The following HECTD4 variants were observed in gnomAD, a reference collection of about 807,000 sequenced individuals.
HECTD4 encodes probable E3 ubiquitin-protein ligase HECTD4.
In HECTD4, 114 loss-of-function variants were observed where a neutral mutation model predicts 471.5. That is an observed-to-expected ratio of 0.24 (90% CI 0.21 to 0.28). The LOEUF (loss-of-function observed/expected upper bound fraction) is 0.28, where lower values mean the gene tolerates loss of function less well. Among genes scored for constraint, HECTD4 ranks in the 10% least tolerant of loss-of-function variants. HECTD4 has a pLI of 1.00. For missense variants in HECTD4, 3,866 were observed against 5,651.5 expected, an observed-to-expected ratio of 0.68 and a Z score of 10.13; for synonymous variants, 2,012 against 2,256.0, an observed-to-expected ratio of 0.89 and a Z score of 3.07.
intron 18 of HECTD4, 50 bp from the exon 19 acceptor site, chr12:112,259,315 TGAA>T: frequency 6.3e-7 from 1 of 1,590,026 alleles, no homozygotes; most frequent in Non-Finnish European, 8.6e-7. Flanking sequence ...CCCAAACATG[TGAA>T]GAAGCACTAA....
At chr12:112,325,988 T>C (rs1656515969) in intron 1 of HECTD4, among the ~76,000 whole-genome samples, 1 of 152,018 alleles carries the variant, frequency 6.6e-6, no homozygotes, top group Non-Finnish European at 1.5e-5. Flanking sequence ...AGGGTCTCGC[T>C]ATGTTGCCCA....
chr12:112,186,560 C>T (rs965622258), intron 60 of HECTD4, among the ~76,000 whole-genome samples: 2 of 151,688 alleles, frequency 1.3e-5, no homozygotes, highest in Middle Eastern at 3.2e-3. Flanking sequence ...TGGTCTTGAA[C>T]TCCTGACCTA....
At chr12:112,167,596 A>T in intron 71 of HECTD4, 58 bp from the exon 72 acceptor site, 1 of 1,364,580 alleles carries the variant, frequency 7.3e-7, no homozygotes, top group Non-Finnish European at 1.0e-6. Context: ...CCCGCCAGGG[A>T]ACATGTGTTT....
chr12:112,230,638 A>G, intron 40 of HECTD4, 49 bp downstream of exon 40: 1 of 1,547,358 alleles, frequency 6.5e-7, no homozygotes, highest in Non-Finnish European at 8.8e-7. Flanking sequence ...TTCTAATTCT[A>G]ATTAGCTTAC....
intron 1 of HECTD4, among the ~76,000 whole-genome samples, chr12:112,356,797 G>GTATC (rs2036347700): frequency 6.6e-6 from 1 of 152,076 alleles, no homozygotes; most frequent in South Asian, 2.1e-4. Flanking sequence ...AAACACTTAT[G>GTATC]GATAGGGCTA....
rs749128238 is a variant in HECTD4, at chr12:112,172,845, C to T, written c.11611G>A (p.Val3871Ile). The T allele has an allele frequency of 3.1e-6, 5 of 1,613,976 alleles. No individual in the cohort carries two copies. Among genetic ancestry groups the T allele is most frequent in the East Asian group, 4.5e-5 (2 of 44,890 alleles). ...CTTGAGGCCTTCTGTGCATGTCGGA[C>T]ATCGATGCATGCGCACCTTGGGGTG... ...LHFERCACID[V>I]RHAQKASRKW... Residue 3871 changes from valine (V) to isoleucine (I), a missense_variant, in exon 67 of 76, where the codon GTC becomes ATC. Physicochemically the swap from Val to Ile is conservative, Grantham distance 29 (BLOSUM62 3). Around this residue, in one of 16 missense-constraint regions of HECTD4, gnomAD observed 715 missense variants for 1,087.6 expected, o/e 0.66. Transcript: ENST00000682272.
In HECTD4 at chr12:112,382,139, G is replaced by A; in HGVS notation, c.-11C>T. 2.5e-6 allele frequency: 3 copies of A among 1,218,874 alleles called. No individual in the cohort carries two copies. Among genetic ancestry groups the A allele is most frequent in the Non-Finnish European group, 3.1e-6 (3 of 982,094 alleles). 75.5% of individuals were successfully genotyped at this position (1,218,874 alleles called of 1,614,324 possible). A position where few individuals can be genotyped will look rare whatever the true frequency, so the allele number is the denominator to read the frequency against. ...CGCCGACGAGCCCATGGCCCCGGCT[G>A]AAGGCTTGGCGCTGAGGAGCAGACG... On this transcript the variant is annotated 5_prime_UTR_variant, in exon 1 of 76. Coordinates refer to ENST00000682272, the MANE Select transcript of HECTD4 (RefSeq NM_001388303.1).
chr12:112,209,705 A>G (rs115129136), intron 50 of HECTD4, among the ~76,000 whole-genome samples: 234 of 152,330 alleles, frequency 1.5e-3, no homozygotes, highest in African/African-American at 5.5e-3. Context: ...GTTTTAGGAC[A>G]ATTTTTGAAA....
chr12:112,296,533 T>G (rs1303249148), intron 7 of HECTD4, among the ~76,000 whole-genome samples: 2 of 150,470 alleles, frequency 1.3e-5, no homozygotes, highest in Non-Finnish European at 3.0e-5. Flanking sequence ...GTGCAGTGGA[T>G]GTAGGTGCAT....
intron 1 of HECTD4, among the ~76,000 whole-genome samples, chr12:112,357,928 C>T (rs1462892222): frequency 6.6e-6 from 1 of 152,176 alleles, no homozygotes; most frequent in African/African-American, 2.4e-5. Flanking sequence ...TCTGGCCAGG[C>T]CCAGTGGCTC....
rs191144934 is a variant in HECTD4 at position 112,191,994 on chromosome 12, G to A, written c.9292+566C>T. ...TTCCTTTCTTTTCTGTGCATACTCA[G>A]ACACAGAGCCAGCAGGCCCTGGTGC... On this transcript the variant is annotated intron_variant, in intron 59 of 75. Coordinates refer to ENST00000682272, the MANE Select transcript of HECTD4 (RefSeq NM_001388303.1). Among the ~76,000 whole-genome samples the A allele has an allele frequency of 2.9e-3, 449 of 152,296 alleles. 2 individuals are homozygous for A. The highest frequency in any genetic ancestry group is 9.8e-3 in the African/African-American group (409 of 41,560).
chr12:112,165,564 G>T lies in HECTD4; in HGVS notation c.12535-1289C>A, dbSNP rs182906653. Reference sequence around the variant, plus strand: ...GACGGGGTTTCACTGTGTTAGCCAGGATGGTCTCAATCTCCTGACCTCGTG... The same window carrying T: ...GACGGGGTTTCACTGTGTTAGCCAGTATGGTCTCAATCTCCTGACCTCGTG... On this transcript the variant is annotated intron_variant, in intron 72 of 75. Transcript: ENST00000682272. 3.5e-3 allele frequency among the ~76,000 whole-genome samples: 527 copies of T among 151,898 alleles called. 1 individual carries two copies. The highest frequency in any genetic ancestry group is 5.5e-3 in the Non-Finnish European group (377 of 67,986).
intron 59 of HECTD4, among the ~76,000 whole-genome samples, chr12:112,192,021 T>C (rs1462810828): frequency 2.0e-5 from 3 of 152,172 alleles, no homozygotes; most frequent in African/African-American, 4.8e-5. Flanking sequence ...CCCTGGTGCA[T>C]ACAGAGGACA....
intron 14 of HECTD4, 46 bp downstream of exon 14, chr12:112,266,866 C>T: frequency 1.0e-6 from 1 of 965,454 alleles, no homozygotes; most frequent in South Asian, 1.4e-5. Context: ...TCCTTGGGGA[C>T]AAAAAAAGGA....
In HECTD4 at chr12:112,200,722, A is replaced by T. The variant is rs1482598939; in HGVS notation, c.8483T>A (p.Met2828Lys). 4 of 1,613,826 alleles carry T rather than the reference A, an allele frequency of 2.5e-6. No homozygotes were observed. The highest frequency in any genetic ancestry group is 8.5e-7 in the Non-Finnish European group (1 of 1,179,868). The change falls in exon 55 of 76, where the codon ATG becomes AAG. Residue 2828 changes from methionine to lysine, a missense_variant. Physicochemically the swap from Met to Lys is moderately conservative, Grantham distance 95 (BLOSUM62 -1). Transcript: ENST00000682272. ...VLVRYWYPID[M>K]LERPPAGYRR... ...GTAGCCTGCTGGGGGCCTTTCCAAC[A>T]TGTCAATAGGATACCAGTATCGCAC...
intron 4 of HECTD4, among the ~76,000 whole-genome samples, chr12:112,311,876 T>C (rs75223568): frequency 1.0e-3 from 155 of 152,350 alleles, no homozygotes; most frequent in African/African-American, 3.5e-3. Context: ...TCTTGGGTAC[T>C]GCAGGCATTC....
intron 1 of HECTD4, among the ~76,000 whole-genome samples, chr12:112,330,997 C>G (rs1391825059): frequency 6.6e-6 from 1 of 152,084 alleles, no homozygotes; most frequent in Non-Finnish European, 1.5e-5. Flanking sequence ...TGAGTTGGTC[C>G]CGCCCCGGTC....
At chr12:112,201,748 TC>T (rs1466196086) in intron 54 of HECTD4, among the ~76,000 whole-genome samples, 1 of 152,198 alleles carries the variant, frequency 6.6e-6, no homozygotes, top group Non-Finnish European at 1.5e-5. Context: ...GTGCTATATT[TC>T]CAGCGCAAAC....
At chr12:112,183,439 C>A (rs932433492) in intron 61 of HECTD4, among the ~76,000 whole-genome samples, 173 bp from the exon 62 acceptor site, 3 of 152,182 alleles carry the variant, frequency 2.0e-5, no homozygotes, top group African/African-American at 7.2e-5. Flanking sequence ...CACAGGCCAA[C>A]AACAGTGACT....
Sources: gnomAD v4.1 joint callset for allele counts (sites outside exome capture counted in the v4.1 genomes callset) on GRCh38, gnomAD v4.1.1 for gene constraint, gnomAD v4.1.1 regional missense constraint, MANE v1.5 for transcripts, NCBI Gene and HGNC (gene_info 2026-07-23, HGNC 2026-07-21) for gene names.